The following MACROH2A1 variants were observed in gnomAD, a reference collection of about 807,000 sequenced individuals.
MACROH2A1 encodes macroH2A.1 histone.
A neutral mutation model predicts 31.6 loss-of-function variants in MACROH2A1; 2 were observed. The ratio of observed to expected loss-of-function variants is 0.06; its 90% CI spans 0.03 to 0.20. The LOEUF is 0.20. Ranked by LOEUF, MACROH2A1 falls within the 10% of genes least tolerant of loss-of-function variation. MACROH2A1 has a pLI of 1.00. For missense variants in MACROH2A1, 230 were observed against 474.0 expected, an observed-to-expected ratio of 0.49 and a Z score of 4.78; for synonymous variants, 169 against 189.6, an observed-to-expected ratio of 0.89 and a Z score of 0.89.
At chr5:135,349,152 G>A (rs180929885) in intron 6 of MACROH2A1, among the ~76,000 whole-genome samples, 2 of 152,232 alleles carry the variant, frequency 1.3e-5, no homozygotes, top group African/African-American at 4.8e-5. Flanking sequence ...TCCTCTCCCT[G>A]GACCTGGGTA....
chr5:135,355,857 C>A, intron 5 of MACROH2A1: 1 of 153,068 alleles, frequency 6.5e-6, no homozygotes, highest in Non-Finnish European at 1.5e-5. Flanking sequence ...CCTAGGAGGC[C>A]CCAGGGTCCC....
rs750538150 is a variant in MACROH2A1 at position 135,343,283 on chromosome 5, T to C, written c.930A>G (p.Ala310=). 2 of 1,614,174 alleles carry C rather than the reference T, an allele frequency of 1.2e-6. No homozygotes were observed. The highest frequency in any genetic ancestry group is 3.3e-5 in the Admixed American group (2 of 60,022). ...LADDKKLKSI[A]FPSIGSGRNG... is the part of the protein sequence containing the mutation. ...ACCTGCCGCTGCCGATGGATGGAAA[T>C]GCAATGGATTTCAGCTTCTTATCAT... The change falls in exon 8 of 9, where the codon GCA becomes GCG. Residue 310 remains alanine (A), a synonymous_variant. Transcript: ENST00000511689.
intron 1 of MACROH2A1, among the ~76,000 whole-genome samples, chr5:135,395,004 T>A (rs964329955): frequency 6.6e-6 from 1 of 152,150 alleles, no homozygotes; most frequent in Non-Finnish European, 1.5e-5. Context: ...GCAAAATCCC[T>A]ATAGGAGCCC....
chr5:135,385,955 C>T (rs949512640), intron 2 of MACROH2A1, among the ~76,000 whole-genome samples: 6 of 152,166 alleles, frequency 3.9e-5, no homozygotes, highest in African/African-American at 1.4e-4. Flanking sequence ...GCCTGGCAGA[C>T]AGCATGTGGA....
Position 135,335,156 on chromosome 5 carries a change from A to G in MACROH2A1, c.954-15T>C. 1 of 1,611,318 alleles carries G rather than the reference A, an allele frequency of 6.2e-7. No homozygotes were observed. Among genetic ancestry groups the G allele is most frequent in the Non-Finnish European group, 8.5e-7 (1 of 1,177,562 alleles). ...GAAAACCGTTCCTGGAGAAGAGAAG[A>G]TAAGCACTCAGCAACTGGGATGCCA... is the stretch of plus-strand genomic sequence containing the variant. On this transcript the variant is annotated splice_polypyrimidine_tract_variant and intron_variant, in intron 8 of 8. Coordinates refer to ENST00000511689, the MANE Select transcript of MACROH2A1 (RefSeq NM_138610.3).
rs953484248 is a variant in MACROH2A1 at position 135,352,867 on chromosome 5, G to C, written c.688+79C>G. 4.8e-6 allele frequency: 4 copies of C among 832,072 alleles called. No homozygotes were observed. The African/African-American group carries it at 6.7e-5, about 14-fold the overall frequency. The allele number at this position is 832,072 out of a possible 1,614,324, so 51.5% of individuals were successfully genotyped here. On this transcript the variant is annotated intron_variant, in intron 6 of 8. Transcript: ENST00000511689. ...TTTGGCTTGACCACTGTAAAGTCTG[G>C]GAAGATGAAATGCCTAAATTCTGGG...
At chr5:135,396,485 T>C (rs1768004860) in intron 1 of MACROH2A1, among the ~76,000 whole-genome samples, 1 of 152,116 alleles carries the variant, frequency 6.6e-6, no homozygotes, top group Non-Finnish European at 1.5e-5. Context: ...GACTCAGCCA[T>C]CCCGAGCCTC....
intron 5 of MACROH2A1, chr5:135,358,782 A>G (rs777002414): frequency 8.0e-5 from 78 of 980,042 alleles, no homozygotes; most frequent in Non-Finnish European, 9.1e-5. Flanking sequence ...CTGAGTAGGG[A>G]ACAGTCATTA....
chr5:135,389,859 G>A (rs1766962219), intron 1 of MACROH2A1, among the ~76,000 whole-genome samples: 1 of 152,142 alleles, frequency 6.6e-6, no homozygotes, highest in Non-Finnish European at 1.5e-5. Flanking sequence ...TCCTGAAAAG[G>A]TCTCCCTACC....
At chr5:135,378,661 G>A (rs1426790291) in intron 2 of MACROH2A1, among the ~76,000 whole-genome samples, 1 of 152,106 alleles carries the variant, frequency 6.6e-6, no homozygotes, top group Non-Finnish European at 1.5e-5. Context: ...TGTGCTGTGT[G>A]ATTTTGGAGA....
intron 8 of MACROH2A1, 106 bp downstream of exon 8, chr5:135,343,154 G>T (rs1208693381): frequency 1.3e-6 from 2 of 1,593,202 alleles, no homozygotes; most frequent in Admixed American, 3.4e-5. Context: ...CCTTGGTTAA[G>T]GCAGCCTCCG....
chr5:135,391,795 T>G (rs573613897), intron 1 of MACROH2A1, among the ~76,000 whole-genome samples: 1 of 152,306 alleles, frequency 6.6e-6, no homozygotes, highest in South Asian at 2.1e-4. Context: ...CTGAACCGCC[T>G]GCAGAACCTC....
chr5:135,396,419 C>A (rs933303598), intron 1 of MACROH2A1, among the ~76,000 whole-genome samples: 1 of 152,170 alleles, frequency 6.6e-6, no homozygotes, highest in Non-Finnish European at 1.5e-5. Context: ...TGACCAGAAT[C>A]CTTTGTGATT....
chr5:135,353,683 AAGAC>A, intron 5 of MACROH2A1: 1 of 152,352 alleles, frequency 6.6e-6, no homozygotes, highest in South Asian at 2.1e-4. Flanking sequence ...GTTCTCCAGC[AAGAC>A]AATGTGTCTT....
At chr5:135,374,330 G>A (rs1327580801) in intron 2 of MACROH2A1, among the ~76,000 whole-genome samples, 1 of 152,188 alleles carries the variant, frequency 6.6e-6, no homozygotes, top group African/African-American at 2.4e-5. Flanking sequence ...GGAGCGGAGA[G>A]GGTGACTGAC....
At chr5:135,388,547 C>G (rs1346699566) in intron 2 of MACROH2A1, among the ~76,000 whole-genome samples, 1 of 152,150 alleles carries the variant, frequency 6.6e-6, no homozygotes, top group Non-Finnish European at 1.5e-5. Flanking sequence ...ATAAGACTAA[C>G]AAACTGGCAG....
chr5:135,389,836 G>C (rs1458663450), intron 1 of MACROH2A1, among the ~76,000 whole-genome samples: 2 of 152,148 alleles, frequency 1.3e-5, no homozygotes, highest in African/African-American at 4.8e-5. Flanking sequence ...TTAATCAAGT[G>C]GTCACAAATG....
chr5:135,357,719 G>A, intron 5 of MACROH2A1: 3 of 984,598 alleles, frequency 3.0e-6, no homozygotes, highest in Non-Finnish European at 3.6e-6. Flanking sequence ...GCATTTAGTT[G>A]ACTCAGATTC....
At chr5:135,373,791 AC>A (rs1456243143) in intron 2 of MACROH2A1, among the ~76,000 whole-genome samples, 5 of 152,164 alleles carry the variant, frequency 3.3e-5, no homozygotes, top group Non-Finnish European at 7.4e-5. Flanking sequence ...TACTCCTACC[AC>A]CATAGGGTGG....
Sources: allele counts gnomAD v4.1 joint callset (sites outside exome capture counted in the v4.1 genomes callset), GRCh38; gene constraint gnomAD v4.1.1; transcripts MANE v1.5; gene names NCBI Gene and HGNC (gene_info 2026-07-23, HGNC 2026-07-21).